OR6N2: variants seen among roughly 807,000 people sequenced by gnomAD.
The protein encoded by OR6N2 is olfactory receptor 6N2.
For missense variants in OR6N2, 399 were observed against 379.7 expected, an observed-to-expected ratio of 1.05 and a Z score of -0.42; for synonymous variants, 160 against 138.3, an observed-to-expected ratio of 1.16 and a Z score of -1.10.
At chr1:158,779,517 C>A (rs1657696118) in intron 1 of OR6N2, among the ~76,000 whole-genome samples, 1 of 152,352 alleles carries the variant, frequency 6.6e-6, no homozygotes, top group African/African-American at 2.4e-5. Flanking sequence ...ACATTTCTTT[C>A]AAACTCAAAT....
intron 1 of OR6N2, among the ~76,000 whole-genome samples, chr1:158,779,084 G>T (rs1558036676): frequency 6.7e-6 from 1 of 148,488 alleles, no homozygotes; most frequent in Admixed American, 6.7e-5. Flanking sequence ...CATGCATCTT[G>T]TGTTTTCATA....
At chr1:158,779,166 A>G (rs1657686755) in intron 1 of OR6N2, among the ~76,000 whole-genome samples, 1 of 152,220 alleles carries the variant, frequency 6.6e-6, no homozygotes, top group South Asian at 2.1e-4. Context: ...ATAGTATTGG[A>G]CATTCTAATT....
intron 1 of OR6N2, among the ~76,000 whole-genome samples, chr1:158,778,217 G>C (rs982846087): frequency 3.9e-5 from 6 of 152,132 alleles, no homozygotes; most frequent in Non-Finnish European, 7.3e-5. Flanking sequence ...AATTCAGCAA[G>C]GTACAATCTC....
rs1657596654 is a variant in OR6N2 at position 158,776,473 on chromosome 1, A to T, written c.*209T>A. 2.3e-6 allele frequency: 1 copy of T among 434,522 alleles called. No homozygotes were observed. The highest frequency in any genetic ancestry group is 4.0e-6 in the Non-Finnish European group (1 of 247,336). 26.9% of individuals were successfully genotyped at this position (434,522 alleles called of 1,614,324 possible). A position where few individuals can be genotyped will look rare whatever the true frequency, so the allele number is the denominator to read the frequency against. ...CATGCTTTTTTTTAAAAAAAGAAGT[A>T]TGTAGATACTAAAATATTCTTAAAT... On this transcript the variant is annotated 3_prime_UTR_variant, in exon 2 of 2. Coordinates refer to ENST00000641131, the MANE Select transcript of OR6N2 (RefSeq NM_001005278.2).
Position 158,774,603 on chromosome 1 carries a change from T to C in OR6N2, c.*2079A>G, listed in dbSNP as rs896697518. ...TCGTGTGACCTAGCAATCCTATACT[T>C]ATGCATTTTCCCAAATGACATGAAA... On this transcript the variant is annotated 3_prime_UTR_variant, in exon 2 of 2. Coordinates refer to ENST00000641131, the MANE Select transcript of OR6N2 (RefSeq NM_001005278.2). 3.3e-5 allele frequency: 5 copies of C among 152,202 alleles called. No homozygotes were observed. Among genetic ancestry groups the C allele is most frequent in the Admixed American group, 3.3e-4 (5 of 15,266 alleles). The allele number at this position is 152,202 out of a possible 1,614,324, so 9.4% of individuals were successfully genotyped here. A position where few individuals can be genotyped will look rare whatever the true frequency, so the allele number is the denominator to read the frequency against.
rs1378656299 is a variant in OR6N2 at position 158,781,157 on chromosome 1, T to C, written c.-7+13A>G. ...CTGATCAATATAGTTAATGTGCCCCTTAGTTCACCTACCAACCACTGAACA... is the reference window on the plus strand; with the variant it reads ...CTGATCAATATAGTTAATGTGCCCCCTAGTTCACCTACCAACCACTGAACA... On this transcript the variant is annotated intron_variant, in intron 1 of 1. Coordinates refer to ENST00000641131, the MANE Select transcript of OR6N2 (RefSeq NM_001005278.2). 1 of 152,266 alleles carries C rather than the reference T, an allele frequency of 6.6e-6. No individual in the cohort carries two copies. The highest frequency in any genetic ancestry group is 1.5e-5 in the Non-Finnish European group (1 of 68,048). The allele number at this position is 152,266 out of a possible 1,614,324, so 9.4% of individuals were successfully genotyped here.
Position 158,776,722 on chromosome 1 carries a change from A to G in OR6N2, c.914T>C (p.Ile305Thr). The G allele has an allele frequency of 1.2e-6, 2 of 1,612,354 alleles. No individual in the cohort carries two copies. The highest frequency in any genetic ancestry group is 1.7e-6 in the Non-Finnish European group (2 of 1,178,994). Residue 305 changes from isoleucine to threonine, a missense_variant, in exon 2 of 2, where the codon ATC (isoleucine) becomes ACC (threonine). Coordinates refer to ENST00000641131, the MANE Select transcript of OR6N2 (RefSeq NM_001005278.2). ...ACTAGCTTTATCTCCCTTCTGGAAG[A>G]TGGTCCTCTTGATAGCTTTAATGAT... ...KEIIKAIKRT[I>T]FQKGDKASLA...
rs1168734682 is a variant in OR6N2 at position 158,777,628 on chromosome 1, T to A, written c.8A>T (p.Gln3Leu). Reference sequence around the variant, plus strand: ...TTCAGCCAGGCTTGAATGGTTGTATTGATCCATGGGAGGCTGAGGTAAAGA... The same window carrying A: ...TTCAGCCAGGCTTGAATGGTTGTATAGATCCATGGGAGGCTGAGGTAAAGA... Reference protein sequence around the residue: MDQYNHSSLAEFV... With the variant: MDLYNHSSLAEFV... Residue 3 changes from glutamine to leucine, a missense_variant, in exon 2 of 2, where the codon CAA (glutamine) becomes CTA (leucine). Coordinates refer to ENST00000641131, the MANE Select transcript of OR6N2 (RefSeq NM_001005278.2). The A allele has an allele frequency of 1.2e-6, 2 of 1,608,574 alleles. No individual in the cohort carries two copies. Among genetic ancestry groups the A allele is most frequent in the Admixed American group, 3.3e-5 (2 of 59,886 alleles).
chr1:158,778,877 G>T (rs1378303145), intron 1 of OR6N2, among the ~76,000 whole-genome samples: 1 of 151,932 alleles, frequency 6.6e-6, no homozygotes, highest in Non-Finnish European at 1.5e-5. Context: ...AATCAGCCGG[G>T]CGTGGTGGCG....
chr1:158,775,631 GC>G lies in OR6N2; in HGVS notation c.*1050del, dbSNP rs1340012995. On this transcript the variant is annotated 3_prime_UTR_variant, in exon 2 of 2. Transcript: ENST00000641131. ...AATAGAATGAGAGTAGGAGAAAGGA[GC>G]ATGGGTAGAATATTATTACATTAAT... The G allele has an allele frequency of 2.0e-5, 3 of 152,172 alleles. No homozygotes were observed. The highest frequency in any genetic ancestry group is 4.4e-5 in the Non-Finnish European group (3 of 68,022). 9.4% of individuals were successfully genotyped at this position (152,172 alleles called of 1,614,324 possible).
intron 1 of OR6N2, 40 bp from the exon 2 acceptor site, chr1:158,777,681 TGACTG>T: frequency 5.5e-6 from 7 of 1,264,348 alleles, no homozygotes; most frequent in Non-Finnish European, 6.8e-6. Context: ...TGGATTGAGA[TGACTG>T]CTGAATCCAT....
chr1:158,780,238 G>A (rs956752074), intron 1 of OR6N2, among the ~76,000 whole-genome samples: 6 of 152,204 alleles, frequency 3.9e-5, no homozygotes, highest in African/African-American at 1.4e-4. Flanking sequence ...GCAAGGAACT[G>A]TTGTTGGTAA....
In OR6N2 at chr1:158,775,864, G is replaced by A. The variant is rs1202505992; in HGVS notation, c.*818C>T. The A allele has an allele frequency of 2.0e-5, 3 of 152,116 alleles. No homozygotes were observed. The highest frequency in any genetic ancestry group is 4.8e-5 in the African/African-American group (2 of 41,426). The allele number at this position is 152,116 out of a possible 1,614,324, so 9.4% of individuals were successfully genotyped here. A position where few individuals can be genotyped will look rare whatever the true frequency, so the allele number is the denominator to read the frequency against. ...GGAAACAAAAGCATCAAGCTTTCAT[G>A]GTTAGAAATTTTAAGAAATCAATTT... On this transcript the variant is annotated 3_prime_UTR_variant, in exon 2 of 2. Coordinates refer to ENST00000641131, the MANE Select transcript of OR6N2 (RefSeq NM_001005278.2).
In OR6N2 at chr1:158,778,957, T is replaced by C. The variant is rs1417721120; in HGVS notation, c.-6-1316A>G. 2.2e-5 allele frequency among the ~76,000 whole-genome samples: 3 copies of C among 137,462 alleles called. No individual in the cohort carries two copies. In the East Asian group the frequency reaches 6.4e-4, roughly 29 times the overall value. The allele number at this position is 137,462 out of a possible 152,430, so 90.2% of individuals were successfully genotyped here. A position where few individuals can be genotyped will look rare whatever the true frequency, so the allele number is the denominator to read the frequency against. On this transcript the variant is annotated intron_variant, in intron 1 of 1. Coordinates refer to ENST00000641131, the MANE Select transcript of OR6N2 (RefSeq NM_001005278.2). Reference sequence around the variant, plus strand: ...TGGAGTGAACCCGGGAGGTGGAGCTTGCAGTGAGCCGAGATCGCGCCACTG... The same window carrying C: ...TGGAGTGAACCCGGGAGGTGGAGCTCGCAGTGAGCCGAGATCGCGCCACTG...
chr1:158,779,467 C>T (rs1214686537), intron 1 of OR6N2, among the ~76,000 whole-genome samples: 1 of 152,136 alleles, frequency 6.6e-6, no homozygotes, highest in African/African-American at 2.4e-5. Context: ...ATTAGTAGAC[C>T]AATACTTTCC....
intron 1 of OR6N2, among the ~76,000 whole-genome samples, chr1:158,779,030 AAAG>A (rs904525711): frequency 4.6e-5 from 7 of 151,488 alleles, no homozygotes; most frequent in Admixed American, 4.6e-4. Flanking sequence ...AAAAAAAAAA[AAAG>A]AATGCAGATT....
At chr1:158,780,208 G>A (rs551789133) in intron 1 of OR6N2, among the ~76,000 whole-genome samples, 2 of 152,260 alleles carry the variant, frequency 1.3e-5, no homozygotes, top group South Asian at 2.1e-4. Context: ...TCAAGAAATA[G>A]TTTTGATCAT....
At chr1:158,779,646 C>A (rs117346067) in intron 1 of OR6N2, among the ~76,000 whole-genome samples, 1 of 152,298 alleles carries the variant, frequency 6.6e-6, no homozygotes, top group East Asian at 1.9e-4. Flanking sequence ...ACTGTACATT[C>A]ACCTCTCCAA....
chr1:158,776,428 G>A lies in OR6N2; in HGVS notation c.*254C>T. 1 of 315,080 alleles carries A rather than the reference G, an allele frequency of 3.2e-6. No homozygotes were observed. The highest frequency in any genetic ancestry group is 5.5e-5 in the East Asian group (1 of 18,148). 19.5% of individuals were successfully genotyped at this position (315,080 alleles called of 1,614,324 possible). ...AATCGATCTCTAGCTGGATGGAAAT[G>A]TGTGGACCTAGGAAATATACATGCT... is the stretch of plus-strand genomic sequence containing the variant. On this transcript the variant is annotated 3_prime_UTR_variant, in exon 2 of 2. Coordinates refer to ENST00000641131, the MANE Select transcript of OR6N2 (RefSeq NM_001005278.2).
Sources: allele counts gnomAD v4.1 joint callset (sites outside exome capture counted in the v4.1 genomes callset), GRCh38; gene constraint gnomAD v4.1.1; transcripts MANE v1.5; gene names NCBI Gene and HGNC (gene_info 2026-07-23, HGNC 2026-07-21).